RBM25: variants seen among roughly 807,000 people sequenced by gnomAD.
The protein encoded by RBM25 is RNA binding motif protein 25.
RBM25 carries 19 observed loss-of-function variants against 120.7 expected under a neutral mutation model. The ratio of observed to expected loss-of-function variants is 0.16; its 90% CI spans 0.11 to 0.23. RBM25 has a LOEUF of 0.23. Ranked by LOEUF, RBM25 falls within the 10% of genes least tolerant of loss-of-function variation. RBM25 has a pLI of 1.00. For missense variants in RBM25, 605 were observed against 1,041.5 expected (o/e 0.58, Z 5.77); for synonymous variants, 390 against 326.7 (o/e 1.19, Z -2.09).
In RBM25 at chr14:73,108,049, TGTTTTC is replaced by T. The variant is rs1292975221; in HGVS notation, c.1541+154_1541+159del. The T allele has an allele frequency of 5.5e-5, 35 of 633,242 alleles. No homozygotes were observed. In the Admixed American group the frequency reaches 1.0e-3, roughly 18 times the overall value. 39.2% of individuals were successfully genotyped at this position (633,242 alleles called of 1,614,324 possible). On this transcript the variant is annotated intron_variant, in intron 13 of 18. Transcript: ENST00000261973. ...ATTATTAATTCTATAGCTAATACAC[TGTTTTC>T]GTTGGGAGAAAAGAGCTATCAGAAA...
chr14:73,103,159 G>A (rs1896088200), intron 9 of RBM25, 33 bp from the exon 10 acceptor site: 1 of 1,591,926 alleles, frequency 6.3e-7, no homozygotes, highest in South Asian at 1.2e-5. Context: ...GAGCTACAGA[G>A]TTAACTCTAA....
At position 73,120,178 on chromosome 14, in the gene RBM25, A is replaced by G. The variant is rs1007230224; in HGVS notation, c.*373A>G. On this transcript the variant is annotated 3_prime_UTR_variant, in exon 19 of 19. Transcript: ENST00000261973. ...TGAAATGTACTGTATAGGAACCAAC[A>G]TGAACAATTTTAATTGAAAACACCA... 1.3e-5 allele frequency: 2 copies of G among 158,106 alleles called. No homozygotes were observed. Among genetic ancestry groups the G allele is most frequent in the African/African-American group, 4.8e-5 (2 of 41,570 alleles). 9.8% of individuals were successfully genotyped at this position (158,106 alleles called of 1,614,324 possible). A position where few individuals can be genotyped will look rare whatever the true frequency, so the allele number is the denominator to read the frequency against.
At chr14:73,105,168 T>C (rs1368414689) in intron 10 of RBM25, among the ~76,000 whole-genome samples, 3 of 143,506 alleles carry the variant, frequency 2.1e-5, no homozygotes, top group African/African-American at 8.1e-5. Flanking sequence ...AGTGCAGTGA[T>C]ACAGTCATAG....
chr14:73,084,599 C>G (rs1648553010), intron 5 of RBM25, among the ~76,000 whole-genome samples: 1 of 152,126 alleles, frequency 6.6e-6, no homozygotes, highest in African/African-American at 2.4e-5. Flanking sequence ...CTTGCCCAGG[C>G]TGGAGTGCAG....
At chr14:73,083,418 A>G in intron 4 of RBM25, 76 bp from the exon 5 acceptor site, 2 of 1,174,152 alleles carry the variant, frequency 1.7e-6, no homozygotes, top group Non-Finnish European at 2.3e-6. Context: ...TAGTAGAAAT[A>G]TAATTTTGCT....
At chr14:73,093,318 C>T (rs1364703562) in intron 6 of RBM25, among the ~76,000 whole-genome samples, 1 of 152,212 alleles carries the variant, frequency 6.6e-6, no homozygotes, top group Non-Finnish European at 1.5e-5. Flanking sequence ...GGATTCTAGA[C>T]CTCAGTGCCA....
In RBM25 at chr14:73,119,318, G is replaced by C. The variant is rs945330049; in HGVS notation, c.2440-395G>C. On this transcript the variant is annotated intron_variant, in intron 18 of 18. Transcript: ENST00000261973. Reference sequence around the variant, plus strand: ...GATGGAGTCTTGCTCTGTTGCTCAGGCTGGAGTGCAGTGGCGCGATCTTGG... The same window carrying C: ...GATGGAGTCTTGCTCTGTTGCTCAGCCTGGAGTGCAGTGGCGCGATCTTGG... Among the ~76,000 whole-genome samples, 2 of 151,774 alleles carry C rather than the reference G, an allele frequency of 1.3e-5. 1 individual carries two copies. The highest frequency in any genetic ancestry group is 4.8e-5 in the African/African-American group (2 of 41,274).
chr14:73,091,609 C>T (rs1895814949), intron 6 of RBM25, among the ~76,000 whole-genome samples: 1 of 152,108 alleles, frequency 6.6e-6, no homozygotes, highest in African/African-American at 2.4e-5. Flanking sequence ...TGGTGGCTCA[C>T]ACCTGTAATC....
At chr14:73,081,239 G>A (rs185958241) in intron 4 of RBM25, among the ~76,000 whole-genome samples, 1 of 152,162 alleles carries the variant, frequency 6.6e-6, no homozygotes. Context: ...TCCCGGGTCA[G>A]TGATTCTTCT....
chr14:73,094,680 C>T (rs564188000), intron 6 of RBM25, among the ~76,000 whole-genome samples: 5 of 152,114 alleles, frequency 3.3e-5, no homozygotes, highest in Non-Finnish European at 5.9e-5. Flanking sequence ...AGCCGCTGCA[C>T]GCGGCTGGGG....
At chr14:73,098,645 G>T (rs534663000) in intron 7 of RBM25, among the ~76,000 whole-genome samples, 2 of 147,450 alleles carry the variant, frequency 1.4e-5, no homozygotes, top group Non-Finnish European at 3.0e-5. Context: ...TTTTGTTCCC[G>T]CCCCTACCCC....
At chr14:73,076,936 C>G (rs977532322) in intron 3 of RBM25, among the ~76,000 whole-genome samples, 4 of 152,210 alleles carry the variant, frequency 2.6e-5, no homozygotes, top group Non-Finnish European at 4.4e-5. Context: ...AAAAAATTAT[C>G]TAGGCTTGGT....
intron 12 of RBM25, chr14:73,107,528 A>G (rs1285360516): frequency 1.4e-5 from 4 of 276,784 alleles, no homozygotes; most frequent in African/African-American, 2.3e-5. Context: ...TATTTTCTCT[A>G]TAGAAAATAA....
intron 1 of RBM25, chr14:73,059,280 T>G (rs777116270): frequency 9.2e-5 from 14 of 152,206 alleles, no homozygotes; most frequent in Non-Finnish European, 1.5e-4. Flanking sequence ...ACCTACCTTT[T>G]TAGCAGTCTC....
At chr14:73,096,454 G>C (rs1427202161) in intron 6 of RBM25, among the ~76,000 whole-genome samples, 1 of 151,816 alleles carries the variant, frequency 6.6e-6, no homozygotes. Context: ...GGTATATTTA[G>C]CAATCTGATG....
intron 7 of RBM25, among the ~76,000 whole-genome samples, chr14:73,098,136 A>G (rs1432424096): frequency 6.6e-6 from 1 of 152,102 alleles, no homozygotes; most frequent in African/African-American, 2.4e-5. Flanking sequence ...GAAGTGTTTT[A>G]TTTATGTTTT....
rs181349319 is a variant in RBM25 at position 73,118,598 on chromosome 14, C to T, written c.2440-1115C>T. Among the ~76,000 whole-genome samples the T allele has an allele frequency of 4.7e-4, 71 of 151,936 alleles. 1 individual carries two copies. Among genetic ancestry groups the T allele is most frequent in the Non-Finnish European group, 8.8e-4 (60 of 67,988 alleles). Reference sequence around the variant, plus strand: ...AAATTACTGTGTTCTTTATGAAAAGCGTATGGTTTCCTTGGGAAGTAGTTT... The same window carrying T: ...AAATTACTGTGTTCTTTATGAAAAGTGTATGGTTTCCTTGGGAAGTAGTTT... On this transcript the variant is annotated intron_variant, in intron 18 of 18. Coordinates refer to ENST00000261973, the MANE Select transcript of RBM25 (RefSeq NM_021239.3).
intron 5 of RBM25, among the ~76,000 whole-genome samples, chr14:73,084,582 C>T (rs191315031): frequency 3.0e-4 from 45 of 151,958 alleles, no homozygotes; most frequent in Admixed American, 7.9e-4. Context: ...GGAGGAGTTT[C>T]GCTCTTCTTG....
At chr14:73,098,435 G>A (rs1272365782) in intron 7 of RBM25, among the ~76,000 whole-genome samples, 2 of 152,030 alleles carry the variant, frequency 1.3e-5, no homozygotes, top group Non-Finnish European at 2.9e-5. Flanking sequence ...CTGGCTCAAC[G>A]TGTTTTATAT....
Sources: gnomAD v4.1 joint callset for allele counts (sites outside exome capture counted in the v4.1 genomes callset) on GRCh38, gnomAD v4.1.1 for gene constraint, MANE v1.5 for transcripts, NCBI Gene and HGNC (gene_info 2026-07-23, HGNC 2026-07-21) for gene names.